The following AFF3 variants were observed in gnomAD, a reference collection of about 807,000 sequenced individuals.
The protein encoded by AFF3 is ALF transcription elongation factor 3.
A neutral mutation model predicts 129.7 loss-of-function variants in AFF3; 32 were observed. The ratio of observed to expected loss-of-function variants is 0.25; its 90% CI spans 0.19 to 0.33. The LOEUF (loss-of-function observed/expected upper bound fraction) is 0.33. Ranked by LOEUF, AFF3 falls within the 10% of genes least tolerant of loss-of-function variation. The probability of loss-of-function intolerance (pLI) is 1.00; values close to 1 mark genes in which losing one functional copy is unlikely to be tolerated. For missense variants in AFF3, 1,373 were observed against 1,592.0 expected (o/e 0.86, Z 2.34); for synonymous variants, 644 against 635.4 (o/e 1.01, Z -0.20).
intron 4 of AFF3, among the ~76,000 whole-genome samples, chr2:100,039,750 A>C (rs958560132): frequency 1.3e-5 from 2 of 151,990 alleles, no homozygotes; most frequent in African/African-American, 4.8e-5. Flanking sequence ...TCTCCCCACC[A>C]CATCCCACTT....
In AFF3 at chr2:99,593,455, T is replaced by C. The variant is rs756848457; in HGVS notation, c.2206A>G (p.Lys736Glu). The stretch of plus-strand genomic sequence containing the variant: ...GTGTAGAACTGCTCCTCCAGCTCCT[T>C]GGCGATGTCACTGGTGGTCCTGGCG... ...INARTTSDIA[K>E]ELEEQFYTLV... The change falls in exon 15 of 25, where the codon AAG becomes GAG. Residue 736 changes from lysine to glutamate, a missense_variant. Lys to Glu is a moderately conservative substitution (Grantham distance 56). Transcript: ENST00000672756. 1.2e-6 allele frequency: 2 copies of C among 1,613,598 alleles called. No individual in the cohort carries two copies. Among genetic ancestry groups the C allele is most frequent in the East Asian group, 2.2e-5 (1 of 44,816 alleles).
intron 4 of AFF3, among the ~76,000 whole-genome samples, chr2:100,030,393 G>T (rs1684398040): frequency 6.6e-6 from 1 of 152,126 alleles, no homozygotes; most frequent in Non-Finnish European, 1.5e-5. Context: ...CAGCTTTTGG[G>T]AAAGATGCAG....
intron 4 of AFF3, among the ~76,000 whole-genome samples, chr2:100,017,391 T>C (rs1271239909): frequency 6.6e-6 from 1 of 152,206 alleles, no homozygotes; most frequent in Non-Finnish European, 1.5e-5. Context: ...GTAAAGGTTA[T>C]CTCAATCTTA....
intron 13 of AFF3, among the ~76,000 whole-genome samples, chr2:99,604,218 A>G (rs1680116754): frequency 2.0e-5 from 3 of 152,242 alleles, no homozygotes; most frequent in African/African-American, 7.2e-5. Flanking sequence ...ACACAGAATT[A>G]ACTCAAATGC....
chr2:99,744,783 C>G (rs764618637), intron 9 of AFF3, among the ~76,000 whole-genome samples: 1 of 152,134 alleles, frequency 6.6e-6, no homozygotes, highest in Non-Finnish European at 1.5e-5. Context: ...ATCCATTCAT[C>G]TGTTAATGGG....
intron 11 of AFF3, among the ~76,000 whole-genome samples, chr2:99,721,215 T>A (rs551179534): frequency 6.6e-6 from 1 of 152,266 alleles, no homozygotes; most frequent in East Asian, 1.9e-4. Context: ...TTACTGTCAA[T>A]TCTGAAGGAT....
At chr2:99,891,863 C>G (rs930014510) in intron 7 of AFF3, among the ~76,000 whole-genome samples, 5 of 151,110 alleles carry the variant, frequency 3.3e-5, no homozygotes, top group African/African-American at 1.2e-4. Context: ...CGCTCTGTTG[C>G]CCAGGCTGGA....
chr2:99,991,960 G>C (rs1046601556), intron 7 of AFF3, among the ~76,000 whole-genome samples: 1 of 150,938 alleles, frequency 6.6e-6, no homozygotes, highest in Admixed American at 6.6e-5. Flanking sequence ...AGTCAGTCTT[G>C]ACAGATTAAA....
chr2:99,877,192 C>CTATGG (rs1175809280), intron 7 of AFF3, among the ~76,000 whole-genome samples: 4 of 152,118 alleles, frequency 2.6e-5, no homozygotes, highest in Non-Finnish European at 5.9e-5. Flanking sequence ...ACATGGTAGC[C>CTATGG]AGCATGGAAA....
intron 2 of AFF3, chr2:100,106,055 A>G: frequency 1.5e-6 from 2 of 1,313,844 alleles, no homozygotes; most frequent in Non-Finnish European, 2.0e-6. Flanking sequence ...AATGAGGATT[A>G]ACAAACTCAA....
chr2:100,020,879 C>G (rs115782754), intron 4 of AFF3, among the ~76,000 whole-genome samples: 3,631 of 152,302 alleles, frequency 0.024, 153 homozygotes, highest in African/African-American at 0.084. Flanking sequence ...GTTCCTCCCC[C>G]GTCAAGCCAG....
chr2:99,674,225 C>G (rs546566525), intron 11 of AFF3, among the ~76,000 whole-genome samples: 16 of 152,294 alleles, frequency 1.1e-4, no homozygotes, highest in African/African-American at 3.8e-4. Context: ...ACCCCCAATT[C>G]CTCTGCATGT....
intron 11 of AFF3, among the ~76,000 whole-genome samples, chr2:99,716,696 C>A (rs1678422594): frequency 6.6e-6 from 1 of 151,892 alleles, no homozygotes; most frequent in African/African-American, 2.4e-5. Context: ...GCCTGGCCAA[C>A]ATGGTGAAAC....
At chr2:99,970,854 G>A (rs187674817) in intron 7 of AFF3, among the ~76,000 whole-genome samples, 3 of 152,242 alleles carry the variant, frequency 2.0e-5, no homozygotes, top group African/African-American at 7.2e-5. Flanking sequence ...TCTACCTCCC[G>A]GGCTTCCTCA....
intron 7 of AFF3, among the ~76,000 whole-genome samples, chr2:99,871,538 A>C (rs1052582481): frequency 6.7e-6 from 1 of 149,432 alleles, no homozygotes; most frequent in African/African-American, 2.6e-5. Flanking sequence ...CTTATTTTGC[A>C]GATGTTTCTT....
At chr2:99,914,601 C>T (rs891735000) in intron 7 of AFF3, among the ~76,000 whole-genome samples, 2 of 152,090 alleles carry the variant, frequency 1.3e-5, no homozygotes, top group Non-Finnish European at 2.9e-5. Flanking sequence ...CTGGGAAATA[C>T]ACACTGAAGT....
At chr2:99,732,298 A>C (rs1434293699) in intron 10 of AFF3, among the ~76,000 whole-genome samples, 1 of 150,394 alleles carries the variant, frequency 6.6e-6, no homozygotes, top group Non-Finnish European at 1.5e-5. Flanking sequence ...CAGTGAGCCG[A>C]GATTGTGCCA....
chr2:99,982,089 C>T lies in AFF3; in HGVS notation c.873+24543G>A, dbSNP rs973387041. 2.0e-5 allele frequency among the ~76,000 whole-genome samples: 3 copies of T among 152,156 alleles called. No homozygotes were observed. The South Asian group carries it at 6.2e-4, about 31-fold the overall frequency. ...CCTGGAGAAGACACACACAAGCAAG[C>T]GAAGGTGGGTGGGACCAAACTACCA... On this transcript the variant is annotated intron_variant, in intron 7 of 24. Coordinates refer to ENST00000672756, the MANE Select transcript of AFF3 (RefSeq NM_001386135.1).
chr2:100,093,070 G>A (rs1559119832), intron 4 of AFF3, among the ~76,000 whole-genome samples: 1 of 152,216 alleles, frequency 6.6e-6, no homozygotes, highest in Non-Finnish European at 1.5e-5. Flanking sequence ...TAGACGGATT[G>A]CGTTACATTA....
Sources: allele counts gnomAD v4.1 joint callset (sites outside exome capture counted in the v4.1 genomes callset), GRCh38; gene constraint gnomAD v4.1.1; transcripts MANE v1.5; gene names NCBI Gene and HGNC (gene_info 2026-07-23, HGNC 2026-07-21).